Variants in ATG7 observed in about 807,000 individuals in gnomAD.
The protein encoded by ATG7 is ubiquitin-like modifier-activating enzyme ATG7.
A neutral mutation model predicts 82.4 loss-of-function variants in ATG7; 70 were observed. That is an observed-to-expected ratio of 0.85 (90% CI 0.70 to 1.04). ATG7 has a LOEUF of 1.04. ATG7 is among the 50% of genes least tolerant of loss of function. The probability of loss-of-function intolerance (pLI) is 0.00; values close to 1 mark genes in which losing one functional copy is unlikely to be tolerated. For missense variants in ATG7, 792 were observed against 864.3 expected (o/e 0.92, Z 1.05); for synonymous variants, 287 against 313.0 (o/e 0.92, Z 0.88).
chr3:11,545,260 G>C (rs573487059), intron 20 of ATG7, among the ~76,000 whole-genome samples: 27 of 152,322 alleles, frequency 1.8e-4, no homozygotes, highest in Non-Finnish European at 3.7e-4. Flanking sequence ...TTTGAAGGCT[G>C]CAAAACTTGG....
intron 14 of ATG7, among the ~76,000 whole-genome samples, chr3:11,358,095 T>A (rs2076051033): frequency 6.6e-6 from 1 of 152,000 alleles, no homozygotes; most frequent in Non-Finnish European, 1.5e-5. Context: ...TGGCCTTGGA[T>A]GGCTGGAAAG....
rs572581201 is a variant in ATG7, at chr3:11,373,748, G to C, written c.1876-6224G>C. Among the ~76,000 whole-genome samples the C allele has an allele frequency of 2.0e-5, 3 of 152,238 alleles. No homozygotes were observed. In the East Asian group the frequency reaches 5.8e-4, roughly 29 times the overall value. On this transcript the variant is annotated intron_variant, in intron 18 of 20. Coordinates refer to ENST00000693202, the MANE Select transcript of ATG7 (RefSeq NM_001349232.2). ...ATTAGGACCTTTGCATAAGGTACTT[G>C]GATTTTAGATTGCTCTGGGGTTTCT...
chr3:11,372,790 G>C (rs2077090123), intron 18 of ATG7, among the ~76,000 whole-genome samples: 1 of 149,210 alleles, frequency 6.7e-6, no homozygotes, highest in Non-Finnish European at 1.5e-5. Flanking sequence ...AAAGTTGGTA[G>C]GTAAGGGCTG....
intron 13 of ATG7, among the ~76,000 whole-genome samples, chr3:11,345,176 C>T (rs559723095): frequency 6.6e-5 from 10 of 151,986 alleles, no homozygotes; most frequent in South Asian, 4.2e-4. Flanking sequence ...GAGGCCGAGG[C>T]GGGCGGATCA....
At chr3:11,439,886 T>C (rs1370427544) in intron 20 of ATG7, among the ~76,000 whole-genome samples, 1 of 152,246 alleles carries the variant, frequency 6.6e-6, no homozygotes, top group African/African-American at 2.4e-5. Flanking sequence ...CCTGCCCTTT[T>C]GATGCCCATA....
the ATG7 span, among the ~76,000 whole-genome samples, chr3:11,566,894 T>A: frequency 6.6e-6 from 1 of 151,984 alleles, no homozygotes; most frequent in Non-Finnish European, 1.5e-5. Context: ...AACGGGTGAA[T>A]GAAGAGAAGC....
At chr3:11,543,763 G>C (rs907550953) in intron 20 of ATG7, among the ~76,000 whole-genome samples, 1 of 152,214 alleles carries the variant, frequency 6.6e-6, no homozygotes, top group African/African-American at 2.4e-5. Flanking sequence ...TTAGCTAGGC[G>C]TGGTGGCGCA....
At chr3:11,542,887 C>T (rs970280037) in intron 20 of ATG7, among the ~76,000 whole-genome samples, 4 of 152,210 alleles carry the variant, frequency 2.6e-5, no homozygotes, top group Non-Finnish European at 5.9e-5. Context: ...AGGCATGAGA[C>T]TGTTCCTTCA....
At chr3:11,492,612 A>G (rs757415486) in intron 20 of ATG7, among the ~76,000 whole-genome samples, 1 of 152,170 alleles carries the variant, frequency 6.6e-6, no homozygotes, top group Non-Finnish European at 1.5e-5. Flanking sequence ...TTCAGGAACC[A>G]GCTGCTGCTT....
chr3:11,287,700 C>G (rs1359986139), intron 3 of ATG7, among the ~76,000 whole-genome samples: 1 of 152,252 alleles, frequency 6.6e-6, no homozygotes, highest in African/African-American at 2.4e-5. Flanking sequence ...TTTGAGTAGA[C>G]TGTATTTACC....
intron 14 of ATG7, chr3:11,348,788 A>G (rs901895468): frequency 1.3e-5 from 2 of 152,150 alleles, no homozygotes; most frequent in African/African-American, 4.8e-5. Flanking sequence ...CTGATTGGTC[A>G]GTTTTACAGA....
At chr3:11,288,182 A>AAT (rs1260411358) in intron 3 of ATG7, among the ~76,000 whole-genome samples, 2 of 152,198 alleles carry the variant, frequency 1.3e-5, no homozygotes, top group African/African-American at 4.8e-5. Context: ...ATAATCATCC[A>AAT]ATATATGCTT....
chr3:11,549,064 CTTTT>C (rs151136027), intron 20 of ATG7, among the ~76,000 whole-genome samples: 2 of 147,076 alleles, frequency 1.4e-5, no homozygotes, highest in Admixed American at 6.8e-5. Context: ...CTCAGTGCAG[CTTTT>C]TTTTTTTCAA....
At chr3:11,410,464 G>A (rs1470222155) in intron 19 of ATG7, among the ~76,000 whole-genome samples, 5 of 152,046 alleles carry the variant, frequency 3.3e-5, no homozygotes, top group African/African-American at 1.2e-4. Context: ...TTGCCATTCT[G>A]TTTTTAAATG....
At position 11,342,298 on chromosome 3, in the gene ATG7, G is replaced by C; in HGVS notation, c.1125+19G>C. 6.2e-7 allele frequency: 1 copy of C among 1,602,104 alleles called. No homozygotes were observed. The highest frequency in any genetic ancestry group is 1.1e-5 in the South Asian group (1 of 89,472). On this transcript the variant is annotated intron_variant, in intron 13 of 20. Coordinates refer to ENST00000693202, the MANE Select transcript of ATG7 (RefSeq NM_001349232.2). ...GTTGATGGTAAGTCGGAGGTGGGGG[G>C]TGCAAATGGCACCTTTGAAGTTGTA...
intron 20 of ATG7, among the ~76,000 whole-genome samples, chr3:11,429,190 A>T (rs923384103): frequency 5.4e-4 from 82 of 152,136 alleles, no homozygotes; most frequent in African/African-American, 1.9e-3. Flanking sequence ...GAATAAAGCC[A>T]TCATTTAAAA....
At chr3:11,506,580 AAAAACCC>A (rs1448737938) in intron 20 of ATG7, among the ~76,000 whole-genome samples, 43 of 13,844 alleles carry the variant, frequency 3.1e-3, no homozygotes, top group African/African-American at 0.012. Flanking sequence ...AAAAAAAAAA[AAAAACCC>A]AAAAATTAGC....
intron 20 of ATG7, among the ~76,000 whole-genome samples, chr3:11,427,142 C>T (rs2152943522): frequency 6.6e-6 from 1 of 152,272 alleles, no homozygotes; most frequent in Middle Eastern, 3.4e-3. Context: ...GCCTAATACA[C>T]AAAATCAGTG....
chr3:11,379,224 G>T (rs747541556), intron 18 of ATG7, among the ~76,000 whole-genome samples: 1 of 152,136 alleles, frequency 6.6e-6, no homozygotes, highest in East Asian at 1.9e-4. Flanking sequence ...GTCCTATGGA[G>T]AGTTTAGAGA....
Sources: gnomAD v4.1 joint callset for allele counts (sites outside exome capture counted in the v4.1 genomes callset) on GRCh38, gnomAD v4.1.1 for gene constraint, MANE v1.5 for transcripts, NCBI Gene and HGNC (gene_info 2026-07-23, HGNC 2026-07-21) for gene names.